Variants in UBXN2B observed in about 807,000 individuals in gnomAD.
UBXN2B encodes UBX domain protein 2B.
Under a neutral mutation model 37.5 loss-of-function variants are expected in UBXN2B, and 19 were observed. The ratio of observed to expected loss-of-function variants is 0.51; its 90% confidence interval spans 0.35 to 0.74. The LOEUF (loss-of-function observed/expected upper bound fraction) is 0.74. UBXN2B is among the 30% of genes least tolerant of loss of function. The pLI is 0.01. For missense variants in UBXN2B, 370 were observed against 393.2 expected (o/e 0.94, Z 0.50); for synonymous variants, 145 against 143.8 (o/e 1.01, Z -0.06).
At chr8:58,426,486 G>A (rs370067175) in intron 2 of UBXN2B, 3 of 706,368 alleles carry the variant, frequency 4.2e-6, no homozygotes, top group African/African-American at 3.5e-5. Flanking sequence ...GGGATTACAG[G>A]TGTGAACCAC....
rs869090698 is a variant in UBXN2B at position 58,446,779 on chromosome 8, A to ATT, written c.834-575_834-574dup. 6.6e-3 allele frequency among the ~76,000 whole-genome samples: 114 copies of ATT among 17,400 alleles called. 46 individuals are homozygous for ATT. Among genetic ancestry groups the ATT allele is most frequent in the East Asian group, 0.026 (13 of 496 alleles). 11.4% of individuals were successfully genotyped at this position (17,400 alleles called of 152,430 possible). On this transcript the variant is annotated intron_variant, in intron 7 of 7. Coordinates refer to ENST00000399598, the MANE Select transcript of UBXN2B (RefSeq NM_001077619.2). ...ATACTCCGAAAAAAGTACAACCTGC[A>ATT]TTTTTTTTTTTTTTTTTTTTTTTTT...
At chr8:58,416,497 C>G (rs1353686270) in intron 1 of UBXN2B, among the ~76,000 whole-genome samples, 1 of 152,098 alleles carries the variant, frequency 6.6e-6, no homozygotes, top group East Asian at 1.9e-4. Context: ...AAGAAGCTGA[C>G]GTTAGTGTGA....
chr8:58,439,643 CTGGAGCT>C lies in UBXN2B; in HGVS notation c.546_552del (p.Glu183SerfsTer9). ...CCCCCTTTTTAAAAGAGAGATTCCC[CTGGAGCT>C]TCAGCGCCTTGTTCATGGTGGCCAA... On this transcript the variant is annotated frameshift_variant, in exon 6 of 8. Coordinates refer to ENST00000399598, the MANE Select transcript of UBXN2B (RefSeq NM_001077619.2). LOFTEE classifies it high-confidence loss of function. 1.3e-6 allele frequency: 2 copies of C among 1,598,832 alleles called. No homozygotes were observed. Among genetic ancestry groups the C allele is most frequent in the Non-Finnish European group, 1.7e-6 (2 of 1,175,844 alleles).
intron 7 of UBXN2B, 59 bp downstream of exon 7, chr8:58,446,127 A>G: frequency 6.8e-7 from 1 of 1,477,966 alleles, no homozygotes; most frequent in Non-Finnish European, 9.0e-7. Context: ...TTGCTTATCT[A>G]AGTAGAACTG....
In UBXN2B at chr8:58,433,221, A is replaced by G. The variant is rs1385894169; in HGVS notation, c.401A>G (p.Tyr134Cys). Residue 134 changes from tyrosine to cysteine, a missense_variant, in exon 4 of 8, where the codon TAT (tyrosine) becomes TGT (cysteine). Tyr to Cys is a radical substitution (Grantham distance 194). Transcript: ENST00000399598. ...TTTTGTAAGCGGTCTGAATATATCT[A>G]TGGAGAAAATCAGCTGCAAGATGTA... ...SSFCKRSEYI[Y>C]GENQLQDVQI... 12 of 1,610,970 alleles carry G rather than the reference A, an allele frequency of 7.4e-6. No homozygotes were observed. The highest frequency in any genetic ancestry group is 4.4e-5 in the South Asian group (4 of 90,390).
chr8:58,449,950 T>G lies in UBXN2B; in HGVS notation c.*2399T>G, dbSNP rs1465230153. On this transcript the variant is annotated 3_prime_UTR_variant, in exon 8 of 8. Coordinates refer to ENST00000399598, the MANE Select transcript of UBXN2B (RefSeq NM_001077619.2). ...TGCACTCATTTAGATAGGAGGCTCC[T>G]CACGTATCTTTCCTGGAAAATCCTG... is the stretch of plus-strand genomic sequence containing the variant. 1 of 152,258 alleles carries G rather than the reference T, an allele frequency of 6.6e-6. No homozygotes were observed. The highest frequency in any genetic ancestry group is 2.4e-5 in the African/African-American group (1 of 41,464). The allele number at this position is 152,258 out of a possible 1,614,324, so 9.4% of individuals were successfully genotyped here. A position where few individuals can be genotyped will look rare whatever the true frequency, so the allele number is the denominator to read the frequency against.
chr8:58,424,901 G>T, intron 2 of UBXN2B: 1 of 955,618 alleles, frequency 1.0e-6, no homozygotes, highest in Non-Finnish European at 1.7e-6. Context: ...ATAGTTTTGA[G>T]AACGTCAATG....
At chr8:58,413,984 A>G (rs1415875417) in intron 1 of UBXN2B, among the ~76,000 whole-genome samples, 1 of 152,124 alleles carries the variant, frequency 6.6e-6, no homozygotes, top group Non-Finnish European at 1.5e-5. Context: ...ACTCTGTCCC[A>G]GTTTTCCTCC....
intron 6 of UBXN2B, among the ~76,000 whole-genome samples, chr8:58,445,702 G>A (rs1808650008): frequency 6.6e-6 from 1 of 152,146 alleles, no homozygotes; most frequent in Non-Finnish European, 1.5e-5. Context: ...ACAGTTAAAT[G>A]AGGAAAGGAT....
At position 58,446,859 on chromosome 8, in the gene UBXN2B, G is replaced by A. The variant is rs896900476; in HGVS notation, c.834-530G>A. Among the ~76,000 whole-genome samples, 8 of 126,318 alleles carry A rather than the reference G, an allele frequency of 6.3e-5. No individual in the cohort carries two copies. The South Asian group carries it at 7.6e-4, about 12-fold the overall frequency. 82.9% of individuals were successfully genotyped at this position (126,318 alleles called of 152,430 possible). On this transcript the variant is annotated intron_variant, in intron 7 of 7. Transcript: ENST00000399598. Reference sequence around the variant, plus strand: ...GTCTCCCAGGCTGGAGTGCAGTGGCGGAATCTCAGCCCACTACAAACTCCG... The same window carrying A: ...GTCTCCCAGGCTGGAGTGCAGTGGCAGAATCTCAGCCCACTACAAACTCCG...
chr8:58,414,041 C>G (rs7844732), intron 1 of UBXN2B, among the ~76,000 whole-genome samples: 40,547 of 152,124 alleles, frequency 0.27, 5,926 homozygotes, highest in Admixed American at 0.45. Flanking sequence ...GGAGTGGGAA[C>G]AGGGATAACT....
At chr8:58,438,977 G>A (rs1420501988) in intron 5 of UBXN2B, among the ~76,000 whole-genome samples, 3 of 152,056 alleles carry the variant, frequency 2.0e-5, no homozygotes, top group African/African-American at 7.2e-5. Context: ...TTCTCACCCC[G>A]GTAGTTCACT....
intron 5 of UBXN2B, among the ~76,000 whole-genome samples, chr8:58,439,253 C>A (rs964985073): frequency 1.3e-5 from 2 of 152,120 alleles, no homozygotes; most frequent in African/African-American, 4.8e-5. Context: ...AGCAAAAACA[C>A]CCATATCAAT....
At chr8:58,425,630 A>G in intron 2 of UBXN2B, 1 of 1,132,094 alleles carries the variant, frequency 8.8e-7, no homozygotes, top group South Asian at 1.2e-5. Context: ...AATTCTTCCG[A>G]AAAGCCTTGT....
chr8:58,411,384 A>T lies in UBXN2B; in HGVS notation c.-2A>T. ...GCAGCGGGCGCCGCTAGCCAGCGGAAGATGGCGGAGGGCGGAGGCCCTGAG... is the reference window on the plus strand; with the variant it reads ...GCAGCGGGCGCCGCTAGCCAGCGGATGATGGCGGAGGGCGGAGGCCCTGAG... On this transcript the variant is annotated 5_prime_UTR_variant, in exon 1 of 8. The change creates a new upstream start codon in the 5' untranslated region. Transcript: ENST00000399598. The T allele has an allele frequency of 7.9e-7, 1 of 1,269,534 alleles. No individual in the cohort carries two copies. Among genetic ancestry groups the T allele is most frequent in the Non-Finnish European group, 1.0e-6 (1 of 1,003,840 alleles). The allele number at this position is 1,269,534 out of a possible 1,614,324, so 78.6% of individuals were successfully genotyped here.
chr8:58,438,633 A>G (rs1165394860), intron 5 of UBXN2B, among the ~76,000 whole-genome samples: 3 of 152,198 alleles, frequency 2.0e-5, no homozygotes, highest in Non-Finnish European at 4.4e-5. Context: ...CCACCATTCT[A>G]TCTTAGAAGT....
chr8:58,446,779 A>ATTTTTTTTTTTTTTTTTTTTTT lies in UBXN2B; in HGVS notation c.834-595_834-574dup. Among the ~76,000 whole-genome samples, 57 of 17,402 alleles carry ATTTTTTTTTTTTTTTTTTTTTT rather than the reference A, an allele frequency of 3.3e-3. 24 individuals carry two copies. Among genetic ancestry groups the ATTTTTTTTTTTTTTTTTTTTTT allele is most frequent in the Non-Finnish European group, 4.3e-3 (41 of 9,594 alleles). 11.4% of individuals were successfully genotyped at this position (17,402 alleles called of 152,430 possible). A position where few individuals can be genotyped will look rare whatever the true frequency, so the allele number is the denominator to read the frequency against. The stretch of plus-strand genomic sequence containing the variant: ...ATACTCCGAAAAAAGTACAACCTGC[A>ATTTTTTTTTTTTTTTTTTTTTT]TTTTTTTTTTTTTTTTTTTTTTTTT... On this transcript the variant is annotated intron_variant, in intron 7 of 7. Transcript: ENST00000399598.
chr8:58,415,171 T>C (rs2016886), intron 1 of UBXN2B, among the ~76,000 whole-genome samples: 110,193 of 151,846 alleles, frequency 0.73, 40,651 homozygotes, highest in African/African-American at 0.86. Context: ...TTGGGGGTAT[T>C]ACGTGCTATG....
chr8:58,411,584 T>C (rs1807638674), intron 1 of UBXN2B, 115 bp downstream of exon 1: 1 of 882,056 alleles, frequency 1.1e-6, no homozygotes, highest in African/African-American at 1.7e-5. Context: ...CCCGACCCCG[T>C]CTGGGGATAG....
Sources: gnomAD v4.1 joint callset for allele counts (sites outside exome capture counted in the v4.1 genomes callset) on GRCh38, gnomAD v4.1.1 for gene constraint, MANE v1.5 for transcripts, NCBI Gene and HGNC (gene_info 2026-07-23, HGNC 2026-07-21) for gene names.